Variants in PRPF39 observed in about 807,000 individuals in gnomAD.
PRPF39 encodes the protein pre-mRNA processing factor 39.
A neutral mutation model predicts 82.1 loss-of-function variants in PRPF39; 27 were observed. That is an observed-to-expected ratio of 0.33 (90% confidence interval 0.24 to 0.45). The LOEUF is 0.45. Ranked by LOEUF, PRPF39 falls within the 20% of genes least tolerant of loss-of-function variation. The pLI, the probability that PRPF39 is intolerant of heterozygous loss-of-function variation, is 1.00. For missense variants in PRPF39, 581 were observed against 796.9 expected, an observed-to-expected ratio of 0.73 and a Z score of 3.26; for synonymous variants, 261 against 256.4, an observed-to-expected ratio of 1.02 and a Z score of -0.17.
At chr14:45,090,747 TGTGTTGTGTGTTA>T (rs1158783791) in intron 1 of PRPF39, among the ~76,000 whole-genome samples, 5 of 152,312 alleles carry the variant, frequency 3.3e-5, no homozygotes, top group Non-Finnish European at 4.4e-5. Flanking sequence ...TGTGTGTGTA[TGTGTTGTGTGTTA>T]GCTCTTTCTC....
Position 45,102,528 on chromosome 14 carries a change from G to C in PRPF39, c.570-1G>C. On this transcript the variant is annotated splice_acceptor_variant, in intron 4 of 13. Transcript: ENST00000355765. LOFTEE classifies it high-confidence loss of function. Reference sequence around the variant, plus strand: ...AACTTAAGAGTAATTTAATTTTTCAGAACTTTTGAGCATGCTGTTCTAGCT... The same window carrying C: ...AACTTAAGAGTAATTTAATTTTTCACAACTTTTGAGCATGCTGTTCTAGCT... 1 of 1,574,498 alleles carries C rather than the reference G, an allele frequency of 6.4e-7. No homozygotes were observed. Among genetic ancestry groups the C allele is most frequent in the Non-Finnish European group, 8.6e-7 (1 of 1,166,300 alleles).
Position 45,108,049 on chromosome 14 carries a change from A to C in PRPF39, c.904-366A>C, listed in dbSNP as rs149522830. ...ACCCAGTGACTTGTAGCTTGTTTGA[A>C]GTTAATTTCTGATTAAGGCAAGTGG... On this transcript the variant is annotated intron_variant, in intron 6 of 13. Coordinates refer to ENST00000355765, the MANE Select transcript of PRPF39 (RefSeq NM_017922.4). Among the ~76,000 whole-genome samples, 4 of 152,248 alleles carry C rather than the reference A, an allele frequency of 2.6e-5. No homozygotes were observed. In the East Asian group the frequency reaches 7.7e-4, roughly 29 times the overall value.
chr14:45,114,624 CATAATT>C lies in PRPF39; in HGVS notation c.1953+17_1953+22del, dbSNP rs1348372920. 7.5e-6 allele frequency: 12 copies of C among 1,596,240 alleles called. No homozygotes were observed. Among genetic ancestry groups the C allele is most frequent in the South Asian group, 1.2e-5 (1 of 86,696 alleles). ...TAGTGCGTGGTATCAAGTGAGTCTGCATAATTATAATTCTTTGTTCATAGATGTTAT... is the reference window on the plus strand; with the variant it reads ...TAGTGCGTGGTATCAAGTGAGTCTGCATAATTCTTTGTTCATAGATGTTAT... On this transcript the variant is annotated intron_variant, in intron 13 of 13. Transcript: ENST00000355765.
chr14:45,112,961 C>T (rs17115814), intron 11 of PRPF39, among the ~76,000 whole-genome samples: 9,199 of 152,146 alleles, frequency 0.06, 960 homozygotes, highest in African/African-American at 0.21. Flanking sequence ...ATTGTAAAAG[C>T]CGAAAGTTGA....
chr14:45,107,332 A>T (rs1027122744), intron 5 of PRPF39, 119 bp from the exon 6 acceptor site: 1 of 704,358 alleles, frequency 1.4e-6, no homozygotes, highest in African/African-American at 1.8e-5. Context: ...GAGAAAAGGT[A>T]TGATATTTTG....
intron 3 of PRPF39, 200 bp downstream of exon 3, chr14:45,096,428 G>A (rs1258592653): frequency 2.9e-5 from 44 of 1,492,220 alleles, no homozygotes; most frequent in Non-Finnish European, 3.7e-5. Context: ...TGGCAGGTGC[G>A]TTAAACCTCT....
Position 45,109,675 on chromosome 14 carries a change from A to G in PRPF39, c.1071A>G (p.Lys357=), listed in dbSNP as rs747764493. 7 of 1,607,834 alleles carry G rather than the reference A, an allele frequency of 4.4e-6. No homozygotes were observed. The highest frequency in any genetic ancestry group is 5.1e-6 in the Non-Finnish European group (6 of 1,176,538). ...PLEKAQLKNW[K]EYLEFEIENG... is the part of the protein sequence containing the mutation. ...AAAAGGCACAACTAAAAAACTGGAA[A>G]GAATACTTAGAATTTGAAATTGAAA... Residue 357 remains lysine, a synonymous_variant, in exon 8 of 14, where the codon AAA becomes AAG. Transcript: ENST00000355765.
intron 11 of PRPF39, 88 bp downstream of exon 11, chr14:45,112,590 C>A: frequency 8.2e-7 from 1 of 1,213,428 alleles, no homozygotes; most frequent in Non-Finnish European, 1.1e-6. Context: ...TAGATTAATA[C>A]ATTGTTAAAT....
rs764129984 is a variant in PRPF39, at chr14:45,114,625, A to G, written c.1953+11A>G. On this transcript the variant is annotated intron_variant, in intron 13 of 13. Transcript: ENST00000355765. ...AGTGCGTGGTATCAAGTGAGTCTGC[A>G]TAATTATAATTCTTTGTTCATAGAT... 3.1e-6 allele frequency: 5 copies of G among 1,596,124 alleles called. No homozygotes were observed. In the Admixed American group the frequency reaches 9.1e-5, roughly 29 times the overall value.
chr14:45,104,371 C>T (rs1443876314), intron 5 of PRPF39, among the ~76,000 whole-genome samples: 1 of 151,864 alleles, frequency 6.6e-6, no homozygotes, highest in Non-Finnish European at 1.5e-5. Context: ...TTATGCAGTT[C>T]TTATAGTTTA....
At chr14:45,087,717 G>A (rs182228344) in intron 1 of PRPF39, among the ~76,000 whole-genome samples, 3 of 151,242 alleles carry the variant, frequency 2.0e-5, no homozygotes, top group Admixed American at 1.3e-4. Context: ...GGGACTACAG[G>A]CGCCCGTCAC....
At position 45,116,203 on chromosome 14, in the gene PRPF39, C is replaced by A; in HGVS notation, c.*1290C>A. The A allele has an allele frequency of 6.2e-7, 1 of 1,609,896 alleles. No individual in the cohort carries two copies. Among genetic ancestry groups the A allele is most frequent in the Non-Finnish European group, 8.5e-7 (1 of 1,176,362 alleles). Reference sequence around the variant, plus strand: ...AGAGCTGAAGCACTGCTATTTCAATCAATATCCACTAATTCCACTTCAAAA... The same window carrying A: ...AGAGCTGAAGCACTGCTATTTCAATAAATATCCACTAATTCCACTTCAAAA... On this transcript the variant is annotated 3_prime_UTR_variant, in exon 14 of 14. Coordinates refer to ENST00000355765, the MANE Select transcript of PRPF39 (RefSeq NM_017922.4).
At chr14:45,107,897 C>G (rs1020308116) in intron 6 of PRPF39, among the ~76,000 whole-genome samples, 1 of 151,670 alleles carries the variant, frequency 6.6e-6, no homozygotes, top group East Asian at 1.9e-4. Flanking sequence ...CCACTGCACT[C>G]CAGCCTGGGC....
At chr14:45,092,591 ACT>A (rs1352137675) in intron 1 of PRPF39, among the ~76,000 whole-genome samples, 2 of 132,392 alleles carry the variant, frequency 1.5e-5, no homozygotes, top group Non-Finnish European at 3.1e-5. Context: ...ACAGATCGAG[ACT>A]CTGTCTCAAA....
At chr14:45,085,350 T>C (rs1271802290) in intron 1 of PRPF39, among the ~76,000 whole-genome samples, 1 of 152,220 alleles carries the variant, frequency 6.6e-6, no homozygotes, top group African/African-American at 2.4e-5. Flanking sequence ...GGGTTGAGCA[T>C]AGATGGCTCA....
chr14:45,093,725 T>C (rs1884112928), intron 1 of PRPF39, among the ~76,000 whole-genome samples: 1 of 149,724 alleles, frequency 6.7e-6, no homozygotes, highest in African/African-American at 2.5e-5. Flanking sequence ...CCGGCTAATT[T>C]GGTATTTTTA....
Position 45,087,643 on chromosome 14 carries a change from G to A in PRPF39, c.-20+3394G>A, listed in dbSNP as rs549305768. Among the ~76,000 whole-genome samples, 11 of 151,004 alleles carry A rather than the reference G, an allele frequency of 7.3e-5. No individual in the cohort carries two copies. In the East Asian group the frequency reaches 2.2e-3, roughly 30 times the overall value. On this transcript the variant is annotated intron_variant, in intron 1 of 13. Transcript: ENST00000355765. ...GGCTGGAGTGCAGTGGCGCTATCTCGGCTCACTGCAACCTCCGCCTCCTGG... is the reference window on the plus strand; with the variant it reads ...GGCTGGAGTGCAGTGGCGCTATCTCAGCTCACTGCAACCTCCGCCTCCTGG...
Position 45,115,871 on chromosome 14 carries a change from ATATAT to A in PRPF39, c.*961_*965del, listed in dbSNP as rs1450237111. The A allele has an allele frequency of 1.9e-5, 4 of 214,992 alleles. No individual in the cohort carries two copies. The highest frequency in any genetic ancestry group is 3.8e-5 in the Non-Finnish European group (4 of 104,696). The allele number at this position is 214,992 out of a possible 1,614,324, so 13.3% of individuals were successfully genotyped here. ...TTCCAATTCCCTAATCAGAACAATA[ATATAT>A]TAACACCAAACAAATCACAGTCAGA... On this transcript the variant is annotated 3_prime_UTR_variant, in exon 14 of 14. Coordinates refer to ENST00000355765, the MANE Select transcript of PRPF39 (RefSeq NM_017922.4).
In PRPF39 at chr14:45,110,859, C is replaced by A. The variant is rs1232590833; in HGVS notation, c.1572+42C>A. On this transcript the variant is annotated intron_variant, in intron 10 of 13. Coordinates refer to ENST00000355765, the MANE Select transcript of PRPF39 (RefSeq NM_017922.4). The surrounding 1 kb of genome is among the most constrained non-coding windows in gnomAD (Gnocchi z 4.0). Reference sequence around the variant, plus strand: ...TTAAGAGTATCTTCTATTAAAAAAACCAGTGGTCAGTGTATTTTCACTGTG... The same window carrying A: ...TTAAGAGTATCTTCTATTAAAAAAAACAGTGGTCAGTGTATTTTCACTGTG... 9 of 1,492,184 alleles carry A rather than the reference C, an allele frequency of 6.0e-6. No homozygotes were observed. The Admixed American group carries it at 8.5e-5, about 14-fold the overall frequency. The allele number at this position is 1,492,184 out of a possible 1,614,324, so 92.4% of individuals were successfully genotyped here.
Sources: allele counts gnomAD v4.1 joint callset (sites outside exome capture counted in the v4.1 genomes callset), GRCh38; gene constraint gnomAD v4.1.1; non-coding constraint Gnocchi (gnomAD v3.1); transcripts MANE v1.5; gene names NCBI Gene and HGNC (gene_info 2026-07-23, HGNC 2026-07-21).